ELF1: variants seen among roughly 807,000 people sequenced by gnomAD.
The protein encoded by ELF1 is E74 like ETS transcription factor 1.
A neutral mutation model predicts 59.9 loss-of-function variants in ELF1; 24 were observed. The ratio of observed to expected loss-of-function variants is 0.40; its 90% CI spans 0.29 to 0.56. The LOEUF (loss-of-function observed/expected upper bound fraction) is 0.56. Ranked by LOEUF, ELF1 falls within the 20% of genes least tolerant of loss-of-function variation. The pLI is 0.44. For missense variants in ELF1, 627 were observed against 742.2 expected, an observed-to-expected ratio of 0.84 and a Z score of 1.80; for synonymous variants, 248 against 266.2, an observed-to-expected ratio of 0.93 and a Z score of 0.67.
At chr13:41,014,640 C>T (rs1371406513) in intron 1 of ELF1, among the ~76,000 whole-genome samples, 1 of 152,136 alleles carries the variant, frequency 6.6e-6, no homozygotes, top group Non-Finnish European at 1.5e-5. Flanking sequence ...CTGTCCTAAT[C>T]ATTGGAGTTG....
At chr13:40,999,711 C>T (rs1317491980) in intron 1 of ELF1, among the ~76,000 whole-genome samples, 1 of 152,198 alleles carries the variant, frequency 6.6e-6, no homozygotes, top group African/African-American at 2.4e-5. Flanking sequence ...GAAAACTTCG[C>T]ATCACCAATG....
chr13:40,988,107 T>C (rs574799457), intron 1 of ELF1, among the ~76,000 whole-genome samples: 4 of 152,312 alleles, frequency 2.6e-5, no homozygotes, highest in East Asian at 1.9e-4. Context: ...TATTATAACA[T>C]GGTAGAAGGC....
chr13:41,047,593 G>A (rs890530093), intron 1 of ELF1, among the ~76,000 whole-genome samples: 2 of 152,328 alleles, frequency 1.3e-5, no homozygotes, highest in Non-Finnish European at 2.9e-5. Flanking sequence ...GCAGAACAGA[G>A]AATATTGCTG....
chr13:40,959,720 T>C (rs1378592647), intron 2 of ELF1, among the ~76,000 whole-genome samples: 2 of 151,974 alleles, frequency 1.3e-5, no homozygotes, highest in Non-Finnish European at 2.9e-5. Flanking sequence ...CATTTTCTAT[T>C]ATTGTTCTTT....
intron 2 of ELF1, among the ~76,000 whole-genome samples, chr13:40,973,961 G>A (rs1370029831): frequency 6.6e-6 from 1 of 152,170 alleles, no homozygotes; most frequent in Non-Finnish European, 1.5e-5. Context: ...GAATTGTCCA[G>A]AATAGGCAAA....
intron 1 of ELF1, among the ~76,000 whole-genome samples, chr13:40,986,970 C>T (rs1311740766): frequency 8.0e-6 from 1 of 124,262 alleles, no homozygotes; most frequent in Non-Finnish European, 1.6e-5. Flanking sequence ...GGGAGTCTCA[C>T]TGTCGCCCAG....
intron 1 of ELF1, among the ~76,000 whole-genome samples, chr13:40,990,692 T>C (rs1873803093): frequency 6.6e-6 from 1 of 151,788 alleles, no homozygotes; most frequent in South Asian, 2.1e-4. Flanking sequence ...CCGTCTCTAC[T>C]AAAAATACAA....
chr13:41,039,296 G>A (rs1876511888), intron 1 of ELF1, among the ~76,000 whole-genome samples: 1 of 136,208 alleles, frequency 7.3e-6, no homozygotes. Flanking sequence ...GCTAAGGCTA[G>A]GAACAAACTA....
intron 2 of ELF1, among the ~76,000 whole-genome samples, chr13:40,975,098 G>A (rs1463657426): frequency 6.6e-6 from 1 of 152,160 alleles, no homozygotes; most frequent in African/African-American, 2.4e-5. Context: ...GATAGAACCT[G>A]GAATTTTAAG....
At chr13:40,959,169 T>C (rs1267558835) in intron 2 of ELF1, among the ~76,000 whole-genome samples, 153 bp from the exon 3 acceptor site, 1 of 152,164 alleles carries the variant, frequency 6.6e-6, no homozygotes, top group Admixed American at 6.5e-5. Context: ...ATTAGGTAAT[T>C]TGTATCTATT....
chr13:41,042,758 A>G (rs890356407), intron 1 of ELF1, among the ~76,000 whole-genome samples: 3 of 152,174 alleles, frequency 2.0e-5, no homozygotes, highest in African/African-American at 7.2e-5. Flanking sequence ...GAATAATGCC[A>G]CAATAAACAT....
chr13:40,936,080 C>A (rs1410535423), intron 8 of ELF1, among the ~76,000 whole-genome samples: 2 of 152,070 alleles, frequency 1.3e-5, no homozygotes, highest in Non-Finnish European at 2.9e-5. Context: ...ATATGTATAA[C>A]CTTGCCACCC....
rs1395185119 is a variant in ELF1, at chr13:40,992,917, A to G, written c.-228-10635T>C. 8.8e-6 allele frequency: 6 copies of G among 682,988 alleles called. No individual in the cohort carries two copies. In the African/African-American group the frequency reaches 1.1e-4, roughly 12 times the overall value. 42.3% of individuals were successfully genotyped at this position (682,988 alleles called of 1,614,324 possible). On this transcript the variant is annotated intron_variant, in intron 1 of 8. Coordinates refer to ENST00000239882, the MANE Select transcript of ELF1 (RefSeq NM_172373.4). ...GTGATAGTACAGAAATGTAATCTTC[A>G]TATATCATTCTAGCCTTTTCTCTTT...
At chr13:40,946,634 T>C (rs1235338215) in intron 5 of ELF1, among the ~76,000 whole-genome samples, 1 of 152,170 alleles carries the variant, frequency 6.6e-6, no homozygotes, top group African/African-American at 2.4e-5. Flanking sequence ...CCTCTGCTAC[T>C]CCTGAGACAG....
chr13:41,034,435 T>C (rs1876291859), intron 1 of ELF1, among the ~76,000 whole-genome samples: 1 of 152,230 alleles, frequency 6.6e-6, no homozygotes, highest in Non-Finnish European at 1.5e-5. Context: ...CTTTGCGCTA[T>C]TTAAGAAACT....
intron 1 of ELF1, among the ~76,000 whole-genome samples, chr13:41,055,466 C>T (rs930653010): frequency 2.0e-5 from 3 of 151,438 alleles, no homozygotes; most frequent in East Asian, 3.9e-4. Flanking sequence ...GAGGCCTTTC[C>T]TCATTCCCCT....
At chr13:41,047,985 C>T (rs1010097255) in intron 1 of ELF1, among the ~76,000 whole-genome samples, 1 of 152,244 alleles carries the variant, frequency 6.6e-6, no homozygotes, top group South Asian at 2.1e-4. Flanking sequence ...GGCGGGTGCC[C>T]CTTCCCCAGC....
intron 1 of ELF1, among the ~76,000 whole-genome samples, chr13:41,010,186 G>A (rs745731627): frequency 1.2e-4 from 18 of 148,182 alleles, no homozygotes; most frequent in African/African-American, 2.2e-4. Flanking sequence ...TAAGAGGATC[G>A]ATTGAGCCCA....
chr13:40,933,537 T>C lies in ELF1; in HGVS notation c.1748A>G (p.Glu583Gly). The C allele has an allele frequency of 1.9e-6, 3 of 1,614,258 alleles. No individual in the cohort carries two copies. Among genetic ancestry groups the C allele is most frequent in the Non-Finnish European group, 2.5e-6 (3 of 1,180,046 alleles). ...ESEDHLKENT[E>G]KTEQQPQPYV... is the part of the protein sequence containing the mutation. ...AGGCTGTGGCTGCTGCTCCGTTTTC[T>C]CAGTGTTCTCTTTCAAATGATCTTC... Residue 583 changes from glutamate to glycine, a missense_variant, in exon 9 of 9, where the codon GAG (glutamate) becomes GGG (glycine). This residue lies in a region of ELF1 where 361 missense variants were observed against 396.1 expected (regional missense o/e 0.91). Coordinates refer to ENST00000239882, the MANE Select transcript of ELF1 (RefSeq NM_172373.4).
Sources: allele counts gnomAD v4.1 joint callset (sites outside exome capture counted in the v4.1 genomes callset), GRCh38; gene constraint gnomAD v4.1.1; regional missense constraint gnomAD v4.1.1; transcripts MANE v1.5; gene names NCBI Gene and HGNC (gene_info 2026-07-23, HGNC 2026-07-21).